GRID1: variants seen among roughly 807,000 people sequenced by gnomAD.
The protein encoded by GRID1 is glutamate receptor ionotropic, delta-1.
GRID1 carries 28 observed loss-of-function variants against 98.0 expected under a neutral mutation model. The observed-to-expected ratio is 0.29, with a 90% CI of 0.21 to 0.39. GRID1 has a LOEUF of 0.39. GRID1 is among the 10% of genes least tolerant of loss of function. GRID1 has a pLI of 1.00. For missense variants in GRID1, 1,111 were observed against 1,340.5 expected, an observed-to-expected ratio of 0.83 and a Z score of 2.67; for synonymous variants, 553 against 538.5, an observed-to-expected ratio of 1.03 and a Z score of -0.37.
rs75293535 is a variant in GRID1 at position 86,250,378 on chromosome 10, T to C, written c.236-43730A>G. Among the ~76,000 whole-genome samples, 450 of 152,312 alleles carry C rather than the reference T, an allele frequency of 3.0e-3. 4 individuals are homozygous for C. Among genetic ancestry groups the C allele is most frequent in the African/African-American group, 0.01 (422 of 41,580 alleles). On this transcript the variant is annotated intron_variant, in intron 2 of 15. Coordinates refer to ENST00000327946, the MANE Select transcript of GRID1 (RefSeq NM_017551.3). ...TCCGTTTCTACAGTTACCATCCCCA[T>C]GCACAGGTCTTCTTGGAAGAAGAGC...
At chr10:85,876,733 C>A (rs1843336030) in intron 5 of GRID1, among the ~76,000 whole-genome samples, 1 of 152,218 alleles carries the variant, frequency 6.6e-6, no homozygotes, top group Non-Finnish European at 1.5e-5. Flanking sequence ...GTTCATCTCA[C>A]TAGGGAGTGC....
intron 6 of GRID1, among the ~76,000 whole-genome samples, chr10:85,863,178 T>A (rs1382706984): frequency 6.6e-6 from 1 of 152,224 alleles, no homozygotes; most frequent in Admixed American, 6.5e-5. Flanking sequence ...TTCTCACCGT[T>A]CTGAAGCCTG....
intron 12 of GRID1, among the ~76,000 whole-genome samples, chr10:85,685,942 GA>G (rs199734951): frequency 6.7e-6 from 1 of 149,280 alleles, no homozygotes; most frequent in Admixed American, 6.7e-5. Flanking sequence ...AGTAACTAAA[GA>G]AAAAAAAACT....
At chr10:85,790,202 C>T (rs1464958961) in intron 8 of GRID1, among the ~76,000 whole-genome samples, 1 of 152,252 alleles carries the variant, frequency 6.6e-6, no homozygotes, top group Non-Finnish European at 1.5e-5. Flanking sequence ...TGTGGGAGGA[C>T]AAGGCTGTGT....
chr10:85,893,249 A>C (rs1365215749), intron 5 of GRID1, among the ~76,000 whole-genome samples: 1 of 152,206 alleles, frequency 6.6e-6, no homozygotes. Context: ...GATAAAGGAT[A>C]TCAACAATCA....
chr10:85,904,997 A>T (rs1029751125), intron 5 of GRID1, among the ~76,000 whole-genome samples: 1 of 152,080 alleles, frequency 6.6e-6, no homozygotes, highest in Non-Finnish European at 1.5e-5. Context: ...GAAAATTATA[A>T]GTACACAAGT....
chr10:85,724,124 A>G (rs1841734220), intron 11 of GRID1, among the ~76,000 whole-genome samples: 1 of 152,218 alleles, frequency 6.6e-6, no homozygotes, highest in Admixed American at 6.5e-5. Context: ...AATTTTATCT[A>G]AAGTGGAGAA....
intron 15 of GRID1, 42 bp downstream of exon 15, chr10:85,613,365 C>A (rs747153755): frequency 6.3e-7 from 1 of 1,585,390 alleles, no homozygotes; most frequent in Admixed American, 1.7e-5. Context: ...GACACTCCTG[C>A]CTCTAGGCTG....
intron 4 of GRID1, among the ~76,000 whole-genome samples, chr10:86,060,169 A>G (rs761502365): frequency 2.6e-5 from 4 of 152,248 alleles, no homozygotes; most frequent in Non-Finnish European, 5.9e-5. Flanking sequence ...TGGCATGGGA[A>G]TTTAAATATG....
At chr10:85,866,497 A>C (rs904748901) in intron 6 of GRID1, among the ~76,000 whole-genome samples, 2 of 151,600 alleles carry the variant, frequency 1.3e-5, no homozygotes, top group African/African-American at 4.8e-5. Flanking sequence ...ATTCCAGTTG[A>C]GCATCCTTAA....
intron 4 of GRID1, among the ~76,000 whole-genome samples, chr10:85,933,876 C>CA (rs1245809534): frequency 3.3e-5 from 5 of 152,158 alleles, no homozygotes; most frequent in African/African-American, 1.2e-4. Flanking sequence ...ATAGTCTGCT[C>CA]AAAGAAATAG....
chr10:86,265,025 A>G (rs1214304912), intron 2 of GRID1, among the ~76,000 whole-genome samples: 1 of 152,240 alleles, frequency 6.6e-6, no homozygotes, highest in Admixed American at 6.5e-5. Flanking sequence ...CTTAAGCAAG[A>G]CAAGTGGCAT....
chr10:85,969,980 A>ATTAC (rs1290851181), intron 4 of GRID1, among the ~76,000 whole-genome samples: 1 of 151,990 alleles, frequency 6.6e-6, no homozygotes, highest in Non-Finnish European at 1.5e-5. Context: ...GAAGATTCAA[A>ATTAC]TTACTAGAAT....
chr10:86,278,502 T>C (rs537841052), intron 2 of GRID1, among the ~76,000 whole-genome samples: 12 of 152,198 alleles, frequency 7.9e-5, no homozygotes, highest in African/African-American at 2.9e-4. Context: ...CTGGCTTTTC[T>C]TCAAAGATCA....
In GRID1 at chr10:85,869,075, T is replaced by A. The variant is rs1002345443; in HGVS notation, c.886A>T (p.Arg296Trp). ...AGGGAGGAGATGCGGTGGTTGTTCC[T>A]CGTGCATTTCTGATTGTCCTTTGCA... is the stretch of plus-strand genomic sequence containing the variant. Reference protein sequence around the residue: ...PSAKDNQKCTRNNHRISSLLC... With the variant: ...PSAKDNQKCTWNNHRISSLLC... The change falls in exon 6 of 16, where the codon AGG becomes TGG. Residue 296 changes from arginine to tryptophan, a missense_variant. Physicochemically the swap from Arg to Trp is moderately radical, Grantham distance 101. Around this residue, in one of 3 missense-constraint regions of GRID1, gnomAD observed 346 missense variants for 452.3 expected, o/e 0.76. Transcript: ENST00000327946. The A allele has an allele frequency of 6.2e-7, 1 of 1,613,922 alleles. No homozygotes were observed. Among genetic ancestry groups the A allele is most frequent in the Non-Finnish European group, 8.5e-7 (1 of 1,179,964 alleles).
intron 4 of GRID1, among the ~76,000 whole-genome samples, chr10:86,044,219 T>G (rs927660612): frequency 3.3e-5 from 5 of 152,222 alleles, no homozygotes; most frequent in Non-Finnish European, 5.9e-5. Context: ...GTTTGCTGAA[T>G]GAAGGGGTGA....
intron 4 of GRID1, among the ~76,000 whole-genome samples, chr10:85,965,225 T>C (rs1842321527): frequency 6.6e-6 from 1 of 152,246 alleles, no homozygotes; most frequent in Non-Finnish European, 1.5e-5. Context: ...GAAGACAGTG[T>C]GGCAATTCCT....
At chr10:85,915,369 C>A (rs1841600207) in intron 5 of GRID1, among the ~76,000 whole-genome samples, 1 of 150,602 alleles carries the variant, frequency 6.6e-6, no homozygotes, top group South Asian at 2.1e-4. Flanking sequence ...TACATACATA[C>A]ACACTCACAT....
chr10:85,727,623 A>G (rs1841775589), intron 10 of GRID1, among the ~76,000 whole-genome samples: 1 of 152,190 alleles, frequency 6.6e-6, no homozygotes, highest in Admixed American at 6.5e-5. Flanking sequence ...CTTCAAAGGA[A>G]TGACAGCAAT....
Sources: allele counts gnomAD v4.1 joint callset (sites outside exome capture counted in the v4.1 genomes callset), GRCh38; gene constraint gnomAD v4.1.1; regional missense constraint gnomAD v4.1.1; transcripts MANE v1.5; gene names NCBI Gene and HGNC (gene_info 2026-07-23, HGNC 2026-07-21).